Variants in THSD4 observed in about 807,000 individuals in gnomAD.
THSD4 encodes thrombospondin type 1 domain containing 4.
In THSD4, 69 loss-of-function variants were observed where a neutral mutation model predicts 119.0. The observed-to-expected ratio is 0.58, with a 90% CI of 0.48 to 0.71. THSD4 has a LOEUF of 0.71. Among genes scored for constraint, THSD4 ranks in the 30% least tolerant of loss-of-function variants. THSD4 has a pLI of 0.00. For missense variants in THSD4, 1,393 were observed against 1,391.1 expected (o/e 1.00, Z -0.02); for synonymous variants, 524 against 540.4 (o/e 0.97, Z 0.42).
rs558579570 is a variant in THSD4, at chr15:71,577,014, ATG to A, written c.1153-83515_1153-83514del. On this transcript the variant is annotated intron_variant, in intron 7 of 17. Transcript: ENST00000261862. ...ATAAATAGAATGTTTTATATAATAA[ATG>A]GTATTTTTGGAAAGTACTGGATTAT... 6.2e-3 allele frequency among the ~76,000 whole-genome samples: 940 copies of A among 152,178 alleles called. 12 individuals carry two copies. The highest frequency in any genetic ancestry group is 0.02 in the African/African-American group (810 of 41,532).
At position 71,264,037 on chromosome 15, in the gene THSD4, G is replaced by A. The variant is rs75346704; in HGVS notation, c.1015+7322G>A. 3.9e-4 allele frequency among the ~76,000 whole-genome samples: 60 copies of A among 152,338 alleles called. No homozygotes were observed. The East Asian group carries it at 9.3e-3, about 24-fold the overall frequency. On this transcript the variant is annotated intron_variant, in intron 6 of 17. Coordinates refer to ENST00000261862, the MANE Select transcript of THSD4 (RefSeq NM_024817.3). ...ACTTCAGTCAAGATCTACCCCTTGC[G>A]TGCTTCTGACTCCTCCACCAATCCA...
At chr15:71,462,004 G>A (rs1039960979) in intron 7 of THSD4, among the ~76,000 whole-genome samples, 2 of 152,168 alleles carry the variant, frequency 1.3e-5, no homozygotes, top group Non-Finnish European at 2.9e-5. Context: ...TGAGTTGGAA[G>A]CTCCTTCAGA....
In THSD4 at chr15:71,182,492, A is replaced by G. The variant is rs572028054; in HGVS notation, c.99+27560A>G. ...CTAAGAAAAAATGAGTATTTTATGT[A>G]CTTTAATTTTTTTCTCAAAATTTCC... is the stretch of plus-strand genomic sequence containing the variant. On this transcript the variant is annotated intron_variant, in intron 3 of 17. Coordinates refer to ENST00000261862, the MANE Select transcript of THSD4 (RefSeq NM_024817.3). Among the ~76,000 whole-genome samples, 13 of 151,844 alleles carry G rather than the reference A, an allele frequency of 8.6e-5. No individual in the cohort carries two copies. The South Asian group carries it at 1.5e-3, about 17-fold the overall frequency.
chr15:71,472,244 A>G (rs560390388), intron 7 of THSD4, among the ~76,000 whole-genome samples: 2 of 152,230 alleles, frequency 1.3e-5, no homozygotes, highest in Admixed American at 1.3e-4. Flanking sequence ...TCCTCTGTAA[A>G]ATGGAGTTAA....
intron 3 of THSD4, among the ~76,000 whole-genome samples, chr15:71,205,811 T>G (rs1212204132): frequency 6.6e-6 from 1 of 152,004 alleles, no homozygotes; most frequent in Non-Finnish European, 1.5e-5. Flanking sequence ...CTGTCTCAGA[T>G]GATTTATCAC....
intron 7 of THSD4, among the ~76,000 whole-genome samples, chr15:71,545,857 G>A (rs572751509): frequency 4.5e-4 from 68 of 152,094 alleles, no homozygotes; most frequent in Non-Finnish European, 8.2e-4. Context: ...CTGGTAAATG[G>A]TCATGTGACT....
chr15:71,536,674 A>G (rs2048692635), intron 7 of THSD4, among the ~76,000 whole-genome samples: 1 of 152,210 alleles, frequency 6.6e-6, no homozygotes, highest in Non-Finnish European at 1.5e-5. Context: ...GAGTAAATCA[A>G]GCTAATTCAC....
chr15:71,674,519 G>A (rs1259202695), intron 8 of THSD4, among the ~76,000 whole-genome samples: 2 of 152,204 alleles, frequency 1.3e-5, no homozygotes, highest in South Asian at 4.1e-4. Flanking sequence ...GAGGCATGCT[G>A]TGTGAGGCAT....
At chr15:71,631,458 C>T (rs1377040077) in intron 7 of THSD4, among the ~76,000 whole-genome samples, 3 of 152,086 alleles carry the variant, frequency 2.0e-5, no homozygotes, top group South Asian at 2.1e-4. Flanking sequence ...CTCTTTTTGT[C>T]GTCTTTAGTG....
intron 6 of THSD4, among the ~76,000 whole-genome samples, chr15:71,276,106 A>G (rs953271315): frequency 6.6e-6 from 1 of 152,216 alleles, no homozygotes; most frequent in Non-Finnish European, 1.5e-5. Context: ...TTTACAAAAG[A>G]TTAAAAGAAA....
rs142174848 is a variant in THSD4, at chr15:71,430,537, A to G, written c.1152+18714A>G. On this transcript the variant is annotated intron_variant, in intron 7 of 17. Coordinates refer to ENST00000261862, the MANE Select transcript of THSD4 (RefSeq NM_024817.3). ...GACTACGTCTGTAATAACTACACAA[A>G]TTGAGTGAATTTCTCTCTTTTTGAG... Among the ~76,000 whole-genome samples, 1,200 of 152,204 alleles carry G rather than the reference A, an allele frequency of 7.9e-3. 10 individuals are homozygous for G. The highest frequency in any genetic ancestry group is 0.013 in the Non-Finnish European group (880 of 68,016).
intron 7 of THSD4, among the ~76,000 whole-genome samples, chr15:71,442,660 G>GTGTGTATGTATGTA: frequency 1.3e-3 from 33 of 25,806 alleles, no homozygotes; most frequent in African/African-American, 2.7e-3. Context: ...GTGTGTGTGT[G>GTGTGTATGTATGTA]TATATATATA....
intron 8 of THSD4, among the ~76,000 whole-genome samples, chr15:71,727,535 A>T (rs1289602393): frequency 3.6e-3 from 3 of 834 alleles, no homozygotes; most frequent in African/African-American, 4.5e-3. Flanking sequence ...ATCTCTTAAA[A>T]AAAAAAAAAA....
chr15:71,364,165 A>G (rs2045927668), intron 6 of THSD4, among the ~76,000 whole-genome samples: 2 of 152,086 alleles, frequency 1.3e-5, no homozygotes, highest in Admixed American at 1.3e-4. Flanking sequence ...GGGGTGGACA[A>G]TTTCAGAGGC....
chr15:71,584,936 C>T (rs551985346), intron 7 of THSD4, among the ~76,000 whole-genome samples: 131 of 152,078 alleles, frequency 8.6e-4, no homozygotes, highest in Admixed American at 1.6e-3. Flanking sequence ...TATTTTAAGC[C>T]GATAACAAGC....
At chr15:71,468,198 C>G (rs562260792) in intron 7 of THSD4, among the ~76,000 whole-genome samples, 1 of 152,320 alleles carries the variant, frequency 6.6e-6, no homozygotes, top group African/African-American at 2.4e-5. Context: ...CTCTCTCTTG[C>G]CTGCTGCCAT....
chr15:71,425,178 A>G (rs2140522419), intron 7 of THSD4, among the ~76,000 whole-genome samples: 1 of 152,324 alleles, frequency 6.6e-6, no homozygotes, highest in South Asian at 2.1e-4. Context: ...CCTTTACACA[A>G]AAGTGATTTT....
chr15:71,186,360 G>A (rs2043603273), intron 3 of THSD4: 1 of 152,240 alleles, frequency 6.6e-6, no homozygotes, highest in African/African-American at 2.4e-5. Context: ...ATGGTTTTGG[G>A]ATTTCAACTG....
intron 6 of THSD4, among the ~76,000 whole-genome samples, chr15:71,370,125 A>G (rs1596374445): frequency 6.6e-6 from 1 of 151,802 alleles, no homozygotes; most frequent in Non-Finnish European, 1.5e-5. Flanking sequence ...ATCAGCGGTG[A>G]TATCCCCCTT....
Sources: gnomAD v4.1 joint callset for allele counts (sites outside exome capture counted in the v4.1 genomes callset) on GRCh38, gnomAD v4.1.1 for gene constraint, MANE v1.5 for transcripts, NCBI Gene and HGNC (gene_info 2026-07-23, HGNC 2026-07-21) for gene names.